Variants in POTEC observed in about 807,000 individuals in gnomAD.
POTEC encodes POTE ankyrin domain family member C, also known as ANKRD26-like family B member 2.
Under a neutral mutation model 62.0 loss-of-function variants are expected in POTEC, and 35 were observed. The observed-to-expected ratio is 0.56, with a 90% CI of 0.43 to 0.75. The LOEUF is 0.75. POTEC is among the 30% of genes least tolerant of loss of function. The probability of loss-of-function intolerance (pLI) is 0.00; values close to 1 mark genes in which losing one functional copy is unlikely to be tolerated. For missense variants in POTEC, 472 were observed against 655.9 expected (o/e 0.72, Z 3.06); for synonymous variants, 156 against 221.5 (o/e 0.70, Z 2.62).
In POTEC at chr18:14,541,198, T is replaced by C. The variant is rs564932060; in HGVS notation, c.521+1428A>G. 3.3e-5 allele frequency among the ~76,000 whole-genome samples: 5 copies of C among 152,214 alleles called. No homozygotes were observed. In the East Asian group the frequency reaches 9.7e-4, roughly 29 times the overall value. On this transcript the variant is annotated intron_variant, in intron 1 of 10. Coordinates refer to ENST00000358970, the MANE Select transcript of POTEC (RefSeq NM_001137671.2). ...GCCACCATGGCTGGCCTTTCATTCC[T>C]CTTCTAACTTAAACAGAAAATAGTC... is the stretch of plus-strand genomic sequence containing the variant.
At chr18:14,516,316 A>G (rs1598476815) in intron 9 of POTEC, among the ~76,000 whole-genome samples, 1 of 67,014 alleles carries the variant, frequency 1.5e-5, no homozygotes. Flanking sequence ...ATATATATAT[A>G]TATATATATA....
chr18:14,533,077 A>G lies in POTEC; in HGVS notation c.1039T>C (p.Ser347Pro), dbSNP rs1567914104. The change falls in exon 5 of 11, where the codon TCT (serine) becomes CCT (proline). Residue 347 changes from serine (S) to proline (P), a missense_variant. Physicochemically the swap from Ser to Pro is moderately conservative, Grantham distance 74. Transcript: ENST00000358970. ...SGQTAREYAV[S>P]SHHHVICELL... ...AACACTTACACATGATGATGACTAG[A>G]AACAGCATACTCTCTGGCCGTCTGT... 1 of 1,610,762 alleles carries G rather than the reference A, an allele frequency of 6.2e-7. No homozygotes were observed. The highest frequency in any genetic ancestry group is 8.5e-7 in the Non-Finnish European group (1 of 1,179,210).
intron 10 of POTEC, 102 bp from the exon 11 acceptor site, chr18:14,512,095 A>T: frequency 1.0e-6 from 1 of 956,598 alleles, no homozygotes; most frequent in South Asian, 1.7e-5. Context: ...TAATGAAATA[A>T]TTCCCATAGT....
Position 14,508,732 on chromosome 18 carries a change from C to G in POTEC, c.*3166G>C, listed in dbSNP as rs901348634. ...ACTCTGCTTGTATCATTTCAGACAT[C>G]TCAGCCTCAGCCCAGTTCTGAACAC... is the stretch of plus-strand genomic sequence containing the variant. On this transcript the variant is annotated 3_prime_UTR_variant, in exon 11 of 11. Transcript: ENST00000358970. The G allele has an allele frequency of 7.9e-5, 12 of 152,624 alleles. No homozygotes were observed. Among genetic ancestry groups the G allele is most frequent in the Non-Finnish European group, 1.5e-4 (10 of 68,044 alleles). The allele number at this position is 152,624 out of a possible 1,614,324, so 9.5% of individuals were successfully genotyped here.
At chr18:14,519,207 A>G (rs1393933250) in intron 9 of POTEC, among the ~76,000 whole-genome samples, 2 of 152,172 alleles carry the variant, frequency 1.3e-5, no homozygotes, top group Non-Finnish European at 2.9e-5. Context: ...AGCAACTGGA[A>G]GAGTTGCCCT....
At chr18:14,537,776 G>T (rs752277341) in intron 3 of POTEC, 25 bp downstream of exon 3, 1 of 1,608,944 alleles carries the variant, frequency 6.2e-7, no homozygotes, top group Admixed American at 1.7e-5. Flanking sequence ...TCAGTATTTT[G>T]AAGATAAAAT....
rs1909878785 is a variant in POTEC, at chr18:14,507,556, T to C, written c.*4342A>G. The stretch of plus-strand genomic sequence containing the variant: ...CAGCTTGCCCCCTGTGTCTTTCAAT[T>C]GGAGCATTTAGCCCATTTCCATTTA... On this transcript the variant is annotated 3_prime_UTR_variant, in exon 11 of 11. Transcript: ENST00000358970. The C allele has an allele frequency of 6.6e-6, 1 of 152,072 alleles. No individual in the cohort carries two copies. Among genetic ancestry groups the C allele is most frequent in the South Asian group, 2.1e-4 (1 of 4,828 alleles). 9.4% of individuals were successfully genotyped at this position (152,072 alleles called of 1,614,324 possible). A position where few individuals can be genotyped will look rare whatever the true frequency, so the allele number is the denominator to read the frequency against.
intron 4 of POTEC, among the ~76,000 whole-genome samples, chr18:14,533,794 A>G (rs940134863): frequency 2.0e-5 from 3 of 152,004 alleles, no homozygotes; most frequent in African/African-American, 7.3e-5. Context: ...TAACGTTCCC[A>G]ATGTCACACA....
intron 5 of POTEC, among the ~76,000 whole-genome samples, chr18:14,531,391 G>A (rs1445539629): frequency 6.6e-6 from 1 of 151,738 alleles, no homozygotes; most frequent in Non-Finnish European, 1.5e-5. Flanking sequence ...TTATATTGAT[G>A]TTCAATTCCA....
intron 3 of POTEC, among the ~76,000 whole-genome samples, chr18:14,537,108 C>A (rs1386190407): frequency 1.4e-5 from 2 of 144,622 alleles, no homozygotes; most frequent in Non-Finnish European, 3.0e-5. Context: ...TGAAAACTGT[C>A]ATTCTCTAAA....
At chr18:14,538,660 T>C (rs1300540522) in intron 1 of POTEC, among the ~76,000 whole-genome samples, 2 of 151,834 alleles carry the variant, frequency 1.3e-5, no homozygotes, top group Non-Finnish European at 2.9e-5. Flanking sequence ...AGCTCAAAAA[T>C]TGTAAGATAT....
intron 6 of POTEC, among the ~76,000 whole-genome samples, chr18:14,526,651 T>C (rs1910444875): frequency 6.6e-6 from 1 of 151,970 alleles, no homozygotes; most frequent in South Asian, 2.1e-4. Context: ...GTGAAAGTAT[T>C]TGCCTGCAAT....
intron 3 of POTEC, among the ~76,000 whole-genome samples, chr18:14,537,225 AC>A (rs1287347714): frequency 0.021 from 2,515 of 119,428 alleles, 24 homozygotes; most frequent in Non-Finnish European, 0.027. Flanking sequence ...AAAAAAAAAA[AC>A]AAAAAAAAAC....
chr18:14,510,159 C>T lies in POTEC; in HGVS notation c.*1739G>A, dbSNP rs1206173044. On this transcript the variant is annotated 3_prime_UTR_variant, in exon 11 of 11. Transcript: ENST00000358970. ...GGATGGAGGGTCTGTGTTGTGGGCC[C>T]AAGCCACGGTTCCTTGTCTGGTGAT... 1 of 152,198 alleles carries T rather than the reference C, an allele frequency of 6.6e-6. No homozygotes were observed. The highest frequency in any genetic ancestry group is 6.5e-5 in the Admixed American group (1 of 15,278). 9.4% of individuals were successfully genotyped at this position (152,198 alleles called of 1,614,324 possible).
rs1008712380 is a variant in POTEC at position 14,507,544 on chromosome 18, G to A, written c.*4354C>T. 6.9e-6 allele frequency: 1 copy of A among 145,684 alleles called. No homozygotes were observed. Among genetic ancestry groups the A allele is most frequent in the Non-Finnish European group, 1.5e-5 (1 of 67,950 alleles). The allele number at this position is 145,684 out of a possible 1,614,324, so 9.0% of individuals were successfully genotyped here. A position where few individuals can be genotyped will look rare whatever the true frequency, so the allele number is the denominator to read the frequency against. ...TGGTTCTTTATCCAGCTTGCCCCCT[G>A]TGTCTTTCAATTGGAGCATTTAGCC... is the stretch of plus-strand genomic sequence containing the variant. On this transcript the variant is annotated 3_prime_UTR_variant, in exon 11 of 11. Transcript: ENST00000358970.
intron 7 of POTEC, among the ~76,000 whole-genome samples, chr18:14,524,654 A>G (rs1316395875): frequency 6.6e-6 from 1 of 152,112 alleles, no homozygotes; most frequent in African/African-American, 2.4e-5. Context: ...CTGTAAAATA[A>G]GAGTATTTTA....
chr18:14,525,059 A>T, intron 6 of POTEC, 76 bp from the exon 7 acceptor site: 1 of 1,557,324 alleles, frequency 6.4e-7, no homozygotes. Context: ...ATAAAAACAG[A>T]TTGAAGACAG....
intron 3 of POTEC, among the ~76,000 whole-genome samples, chr18:14,537,199 ACACACACACAC>A (rs1241138023): frequency 1.2e-4 from 11 of 88,848 alleles, no homozygotes; most frequent in African/African-American, 6.3e-4. Context: ...ACACACACAC[ACACACACACAC>A]AAAAAAAAAA....
chr18:14,537,651 A>C (rs1905788065), intron 3 of POTEC, 150 bp downstream of exon 3: 1 of 1,023,816 alleles, frequency 9.8e-7, no homozygotes, highest in South Asian at 1.9e-5. Flanking sequence ...AACAATATTT[A>C]AAATAAAGTC....
Sources: allele counts gnomAD v4.1 joint callset (sites outside exome capture counted in the v4.1 genomes callset), GRCh38; gene constraint gnomAD v4.1.1; transcripts MANE v1.5; gene names NCBI Gene and HGNC (gene_info 2026-07-23, HGNC 2026-07-21).